Variants in HMCN1 observed in about 807,000 individuals in gnomAD.
HMCN1 encodes hemicentin 1, also known as hemicentin-1.
HMCN1 carries 321 observed loss-of-function variants against 625.9 expected under a neutral mutation model. The ratio of observed to expected loss-of-function variants is 0.51; its 90% CI spans 0.47 to 0.56. The LOEUF (loss-of-function observed/expected upper bound fraction) is 0.56, where lower values mean the gene tolerates loss of function less well. Ranked by LOEUF, HMCN1 falls within the 20% of genes least tolerant of loss-of-function variation. The probability of loss-of-function intolerance (pLI) is 0.00; values close to 1 mark genes in which losing one functional copy is unlikely to be tolerated. For missense variants in HMCN1, 6,588 were observed against 6,887.3 expected (o/e 0.96, Z 1.54); for synonymous variants, 2,425 against 2,417.6 (o/e 1.00, Z -0.09).
chr1:185,925,170 T>G lies in HMCN1; in HGVS notation c.1409T>G (p.Leu470Arg), dbSNP rs888314012. 25 of 1,613,928 alleles carry G rather than the reference T, an allele frequency of 1.5e-5. No individual in the cohort carries two copies. The highest frequency in any genetic ancestry group is 2.1e-5 in the Non-Finnish European group (25 of 1,179,786). Residue 470 changes from leucine to arginine, a missense_variant, in exon 9 of 107, where the codon CTT (leucine) becomes CGT (arginine). Around this residue, in one of 3 missense-constraint regions of HMCN1, gnomAD observed 4,628 missense variants for 4,853.1 expected, o/e 0.95. Transcript: ENST00000271588. The part of the protein sequence containing the change: ...TLSFVRNGVT[L>R]GVDQYLKESA... ...AGCTTTGTCAGAAATGGAGTTACAC[T>G]TGGAGTAGACCAGTATTTGAAGTAG...
chr1:185,767,892 A>C (rs1055209030), intron 1 of HMCN1, among the ~76,000 whole-genome samples: 1 of 152,206 alleles, frequency 6.6e-6, no homozygotes, highest in Non-Finnish European at 1.5e-5. Context: ...TAAGCCACAC[A>C]ATAGTTGGCT....
At chr1:185,890,436 T>C (rs926950383) in intron 4 of HMCN1, among the ~76,000 whole-genome samples, 1 of 146,820 alleles carries the variant, frequency 6.8e-6, no homozygotes, top group Non-Finnish European at 1.5e-5. Context: ...CTGCTTTCTC[T>C]TGTGGGCATT....
intron 8 of HMCN1, among the ~76,000 whole-genome samples, chr1:185,924,041 C>G (rs1419329460): frequency 6.6e-6 from 1 of 152,110 alleles, no homozygotes; most frequent in Non-Finnish European, 1.5e-5. Context: ...TAGTAAACAA[C>G]AGGTGATCAC....
chr1:186,160,442 T>G (rs1157077937), intron 97 of HMCN1, among the ~76,000 whole-genome samples: 1 of 130,812 alleles, frequency 7.6e-6, no homozygotes, highest in Non-Finnish European at 1.6e-5. Context: ...CTGATTTTAG[T>G]TATTTCTTGC....
intron 25 of HMCN1, 137 bp from the exon 26 acceptor site, chr1:185,999,908 A>G (rs1259528792): frequency 6.4e-6 from 4 of 624,584 alleles, no homozygotes; most frequent in Non-Finnish European, 1.1e-5. Context: ...GCCAGGAGAA[A>G]TATCTTGAAG....
rs1347563365 is a variant in HMCN1 at position 186,144,693 on chromosome 1, C to G, written c.14256C>G (p.Asp4752Glu). ...TCCAGAGTGATTTTTGCAACAGTGA[C>G]CCTTGCCCAAGTGAGTGTTGGAAAT... is the stretch of plus-strand genomic sequence containing the variant. ...SDVQSDFCNS[D>E]PCPTHGNWSP... Residue 4752 changes from aspartate to glutamate, a missense_variant, in exon 91 of 107, where the codon GAC (aspartate) becomes GAG (glutamate). Asp to Glu is a conservative substitution (Grantham distance 45). Transcript: ENST00000271588. 1.2e-6 allele frequency: 2 copies of G among 1,614,042 alleles called. No homozygotes were observed. Among genetic ancestry groups the G allele is most frequent in the East Asian group, 2.2e-5 (1 of 44,878 alleles).
At chr1:185,749,432 G>C (rs1430246778) in intron 1 of HMCN1, among the ~76,000 whole-genome samples, 1 of 152,136 alleles carries the variant, frequency 6.6e-6, no homozygotes, top group African/African-American at 2.4e-5. Context: ...GGAACAAGGA[G>C]AAACCTACTG....
chr1:186,161,711 T>A lies in HMCN1; in HGVS notation c.15257-3400T>A, dbSNP rs1416278820. 2.0e-5 allele frequency among the ~76,000 whole-genome samples: 3 copies of A among 152,240 alleles called. No individual in the cohort carries two copies. The East Asian group carries it at 5.8e-4, about 29-fold the overall frequency. On this transcript the variant is annotated intron_variant, in intron 97 of 106. Coordinates refer to ENST00000271588, the MANE Select transcript of HMCN1 (RefSeq NM_031935.3). ...GTTTGGCTGGATATGAAATTCTGGG[T>A]TGAAAATTCTTTTCTTTAAGAATGT...
At chr1:185,906,534 A>G (rs1666103601) in intron 4 of HMCN1, among the ~76,000 whole-genome samples, 1 of 151,914 alleles carries the variant, frequency 6.6e-6, no homozygotes, top group Non-Finnish European at 1.5e-5. Flanking sequence ...GGAGACTTCC[A>G]TGTGTAACTA....
intron 30 of HMCN1, among the ~76,000 whole-genome samples, chr1:186,012,441 G>T (rs1654064852): frequency 6.6e-6 from 1 of 150,812 alleles, no homozygotes; most frequent in Non-Finnish European, 1.5e-5. Context: ...AAATAAACAA[G>T]AACAGGTGAG....
At chr1:186,157,759 AG>A (rs1651126563) in intron 97 of HMCN1, among the ~76,000 whole-genome samples, 1 of 152,222 alleles carries the variant, frequency 6.6e-6, no homozygotes, top group Non-Finnish European at 1.5e-5. Flanking sequence ...GTCCCTACAA[AG>A]GACATGAACT....
intron 48 of HMCN1, 145 bp downstream of exon 48, chr1:186,062,745 T>A (rs553649277): frequency 2.9e-6 from 2 of 687,508 alleles, no homozygotes; most frequent in African/African-American, 3.6e-5. Flanking sequence ...TGGTGAAGTC[T>A]CAGTGATGGT....
chr1:185,750,854 T>A (rs1459378838), intron 1 of HMCN1, among the ~76,000 whole-genome samples: 1 of 151,666 alleles, frequency 6.6e-6, no homozygotes, highest in Non-Finnish European at 1.5e-5. Context: ...TCCCTCCTAT[T>A]GGCTTAGAAA....
intron 39 of HMCN1, 72 bp downstream of exon 39, chr1:186,039,951 C>T: frequency 2.1e-6 from 3 of 1,415,272 alleles, no homozygotes. Context: ...ACAGGTAAAA[C>T]TGTTGAAGAG....
Position 186,087,264 on chromosome 1 carries a change from G to A in HMCN1, c.9094G>A (p.Glu3032Lys), listed in dbSNP as rs754286079. 1.2e-5 allele frequency: 19 copies of A among 1,613,160 alleles called. No individual in the cohort carries two copies. In the South Asian group the frequency reaches 2.1e-4, roughly 18 times the overall value. Residue 3032 changes from glutamate (E) to lysine (K), a missense_variant, in exon 59 of 107, where the codon GAA becomes AAA. By Grantham distance (56) the Glu-to-Lys change is moderately conservative (BLOSUM62 1). Transcript: ENST00000271588. ...TCGGGCCAAGGTATCAGATGGTGGTGAATACACTTGTATAGCTATCAATCA... is the reference window on the plus strand; with the variant it reads ...TCGGGCCAAGGTATCAGATGGTGGTAAATACACTTGTATAGCTATCAATCA... Reference protein sequence around the residue: ...IIRAKVSDGGEYTCIAINQAG... With the variant: ...IIRAKVSDGGKYTCIAINQAG...
chr1:185,933,684 C>A lies in HMCN1; in HGVS notation c.1688C>A (p.Ala563Glu), dbSNP rs746311658. 2 of 1,613,918 alleles carry A rather than the reference C, an allele frequency of 1.2e-6. No individual in the cohort carries two copies. The highest frequency in any genetic ancestry group is 1.7e-6 in the Non-Finnish European group (2 of 1,179,962). ...AGGAATGACAGAGATGTCAGACTGG[C>A]AGAGCCAGCGAGAATTAGGACCTTG... ...WQRNDRDVRL[A>E]EPARIRTLAN... is the part of the protein sequence containing the mutation. Residue 563 changes from alanine to glutamate, a missense_variant, in exon 11 of 107, where the codon GCA becomes GAA. Physicochemically the swap from Ala to Glu is moderately radical, Grantham distance 107 (BLOSUM62 -1). Around this residue, in one of 3 missense-constraint regions of HMCN1, gnomAD observed 4,628 missense variants for 4,853.1 expected, o/e 0.95. Transcript: ENST00000271588.
At chr1:185,904,200 A>G (rs1665968294) in intron 4 of HMCN1, among the ~76,000 whole-genome samples, 1 of 151,778 alleles carries the variant, frequency 6.6e-6, no homozygotes, top group East Asian at 1.9e-4. Flanking sequence ...GCAAAATTGG[A>G]AGCATAGGCT....
chr1:186,173,640 C>CAAAAAAAAAAAAAAAA (rs762258823), intron 102 of HMCN1, among the ~76,000 whole-genome samples: 6 of 74,698 alleles, frequency 8.0e-5, no homozygotes, highest in Middle Eastern at 7.0e-3. Flanking sequence ...GACTCCATCT[C>CAAAAAAAAAAAAAAAA]AAAAAAAAAA....
At chr1:186,162,208 A>G (rs979783813) in intron 97 of HMCN1, among the ~76,000 whole-genome samples, 2 of 152,084 alleles carry the variant, frequency 1.3e-5, no homozygotes, top group Admixed American at 6.6e-5. Context: ...AGTTGATTGC[A>G]TCGGCTCCTG....
Sources: allele counts gnomAD v4.1 joint callset (sites outside exome capture counted in the v4.1 genomes callset), GRCh38; gene constraint gnomAD v4.1.1; regional missense constraint gnomAD v4.1.1; transcripts MANE v1.5; gene names NCBI Gene and HGNC (gene_info 2026-07-23, HGNC 2026-07-21).